Variants in NAA16 observed in about 807,000 individuals in gnomAD.
NAA16 encodes the protein N-alpha-acetyltransferase 16, NatA auxiliary subunit.
Under a neutral mutation model 110.3 loss-of-function variants are expected in NAA16, and 97 were observed. The observed-to-expected ratio is 0.88, with a 90% CI of 0.75 to 1.04. The LOEUF (loss-of-function observed/expected upper bound fraction) is 1.04, where lower values mean the gene tolerates loss of function less well. NAA16 is among the 50% of genes least tolerant of loss of function. The pLI is 0.00. For synonymous variants in NAA16, 372 were observed against 330.6 expected (o/e 1.13, Z -1.36); for missense variants, 1,017 against 1,005.1 (o/e 1.01, Z -0.16).
chr13:41,357,785 T>C (rs1221206765), intron 10 of NAA16, among the ~76,000 whole-genome samples: 2 of 152,146 alleles, frequency 1.3e-5, no homozygotes, highest in East Asian at 3.9e-4. Flanking sequence ...TCTACTTAGG[T>C]TTTTGTCAGA....
chr13:41,325,966 A>G (rs2042083786), intron 6 of NAA16, 115 bp downstream of exon 6: 1 of 754,320 alleles, frequency 1.3e-6, no homozygotes, highest in Admixed American at 3.6e-5. Context: ...GGTTCCAAAC[A>G]CGATTATTAA....
At chr13:41,372,581 G>A in intron 16 of NAA16, 151 bp from the exon 17 acceptor site, 1 of 1,324,490 alleles carries the variant, frequency 7.6e-7, no homozygotes. Flanking sequence ...AGCCATAGTT[G>A]ACTTTGATAG....
rs768129386 is a variant in NAA16, at chr13:41,358,342, G to T, written c.1126G>T (p.Val376Phe). 3.1e-6 allele frequency: 5 copies of T among 1,613,766 alleles called. No homozygotes were observed. In the East Asian group the frequency reaches 1.1e-4, roughly 36 times the overall value. Residue 376 changes from valine to phenylalanine, a missense_variant, in exon 11 of 20, where the codon GTT becomes TTT. By Grantham distance (50) the Val-to-Phe change is conservative (BLOSUM62 -1). Transcript: ENST00000379406. ...EKEPPTTLLW[V>F]QYFLAQHFDK... Reference sequence around the variant, plus strand: ...GGAACCCCCGACAACACTACTCTGGGTTCAGTATTTCCTGGCACAGCACTT... The same window carrying T: ...GGAACCCCCGACAACACTACTCTGGTTTCAGTATTTCCTGGCACAGCACTT...
chr13:41,359,493 T>C (rs2043067451), intron 12 of NAA16, among the ~76,000 whole-genome samples: 1 of 152,186 alleles, frequency 6.6e-6, no homozygotes, highest in African/African-American at 2.4e-5. Flanking sequence ...ATGTTTATGG[T>C]TAAAAATATA....
Position 41,375,914 on chromosome 13 carries a change from G to T in NAA16, c.*312G>T. On this transcript the variant is annotated 3_prime_UTR_variant, in exon 20 of 20. Transcript: ENST00000379406. ...TTTAGATTCTGATTTCAGGATCTGT[G>T]CTTTGATTCCTTGTCTGTTTTATCG... 1 of 203,848 alleles carries T rather than the reference G, an allele frequency of 4.9e-6. No individual in the cohort carries two copies. Among genetic ancestry groups the T allele is most frequent in the Non-Finnish European group, 9.7e-6 (1 of 102,698 alleles). 12.6% of individuals were successfully genotyped at this position (203,848 alleles called of 1,614,324 possible). A position where few individuals can be genotyped will look rare whatever the true frequency, so the allele number is the denominator to read the frequency against.
chr13:41,338,084 C>T (rs538074251), intron 9 of NAA16, among the ~76,000 whole-genome samples: 12 of 152,242 alleles, frequency 7.9e-5, no homozygotes, highest in South Asian at 6.2e-4. Context: ...AACATGTACC[C>T]GGTGCCTGCC....
At chr13:41,372,887 TTGTTAAATCTC>T (rs1020299320) in intron 17 of NAA16, 57 bp downstream of exon 17, 12 of 1,411,926 alleles carry the variant, frequency 8.5e-6, no homozygotes, top group Non-Finnish European at 1.1e-5. Flanking sequence ...GGGGAGGAGG[TTGTTAAATCTC>T]TGTTGATCTG....
chr13:41,369,211 G>T lies in NAA16; in HGVS notation c.1875G>T (p.Lys625Asn), dbSNP rs1206688258. ...GAGAACGTCAACAGAAAAATCAAAA[G>T]AAAAAAAGAGATGAAGAAGAAGAAG... is the stretch of plus-strand genomic sequence containing the variant. ...AERERQQKNQ[K>N]KKRDEEEEEA... Residue 625 changes from lysine (K) to asparagine (N), a missense_variant, in exon 15 of 20, where the codon AAG becomes AAT. Physicochemically the swap from Lys to Asn is moderately conservative, Grantham distance 94. Transcript: ENST00000379406. 1 of 1,594,326 alleles carries T rather than the reference G, an allele frequency of 6.3e-7. No homozygotes were observed. Among genetic ancestry groups the T allele is most frequent in the East Asian group, 2.2e-5 (1 of 44,594 alleles).
chr13:41,344,452 C>T (rs2042631629), intron 9 of NAA16, among the ~76,000 whole-genome samples: 1 of 152,136 alleles, frequency 6.6e-6, no homozygotes, highest in Non-Finnish European at 1.5e-5. Flanking sequence ...TGGATTTTTT[C>T]CCCTTGGGAC....
At chr13:41,347,238 AACAAAAAAAG>A (rs1158226968) in intron 9 of NAA16, among the ~76,000 whole-genome samples, 3 of 149,532 alleles carry the variant, frequency 2.0e-5, no homozygotes, top group Non-Finnish European at 3.0e-5. Flanking sequence ...CAAAAACAAA[AACAAAAAAAG>A]AAATCAGGAA....
chr13:41,369,054 A>G, intron 14 of NAA16, 36 bp from the exon 15 acceptor site: 1 of 1,531,202 alleles, frequency 6.5e-7, no homozygotes, highest in Non-Finnish European at 8.7e-7. Flanking sequence ...AAATGCAAAC[A>G]TTGGCTCAGA....
At chr13:41,339,252 G>T (rs1189506323) in intron 9 of NAA16, among the ~76,000 whole-genome samples, 1 of 152,014 alleles carries the variant, frequency 6.6e-6, no homozygotes, top group Non-Finnish European at 1.5e-5. Flanking sequence ...CAAATCTCCT[G>T]CCTCAGCCTC....
chr13:41,352,313 G>C (rs1675122921), intron 9 of NAA16, among the ~76,000 whole-genome samples: 1 of 152,024 alleles, frequency 6.6e-6, no homozygotes, highest in South Asian at 2.1e-4. Context: ...CTGCACTCCA[G>C]CTTGGGTGAG....
chr13:41,333,827 C>T (rs1227261353), intron 8 of NAA16, among the ~76,000 whole-genome samples: 1 of 151,530 alleles, frequency 6.6e-6, no homozygotes, highest in African/African-American at 2.4e-5. Context: ...TATATTTTTA[C>T]TGGAAGAGCT....
At chr13:41,324,989 A>AGC (rs2139394108) in intron 5 of NAA16, among the ~76,000 whole-genome samples, 1 of 103,832 alleles carries the variant, frequency 9.6e-6, no homozygotes, top group East Asian at 3.0e-4. Flanking sequence ...ACTGAGTTTC[A>AGC]CTCTTGTTGC....
chr13:41,324,891 TA>T (rs2042048812), intron 5 of NAA16, among the ~76,000 whole-genome samples: 1 of 151,370 alleles, frequency 6.6e-6, no homozygotes, highest in African/African-American at 2.4e-5. Flanking sequence ...TTTTTTTTTT[TA>T]AGACATAATG....
intron 12 of NAA16, among the ~76,000 whole-genome samples, chr13:41,360,232 A>G (rs1376956949): frequency 1.3e-5 from 2 of 152,204 alleles, no homozygotes; most frequent in Non-Finnish European, 1.5e-5. Context: ...AAATGCTCCA[A>G]AACTTGAAAC....
At chr13:41,367,412 GTTAAT>G (rs1566299181) in intron 13 of NAA16, 22 bp from the exon 14 acceptor site, 1 of 1,499,278 alleles carries the variant, frequency 6.7e-7, no homozygotes, top group African/African-American at 1.4e-5. Flanking sequence ...AAATGTAAAG[GTTAAT>G]TTTGTGATTT....
Position 41,375,411 on chromosome 13 carries a change from A to G in NAA16, c.2404A>G (p.Ile802Val), listed in dbSNP as rs746114227. ...TTTCCTTTTGTTTCACTAGACATTA[A>G]TAAAGGTTTCTGAAGCACTGCTTGA... is the stretch of plus-strand genomic sequence containing the variant. Reference protein sequence around the residue: ...TIKDKDVKTLIKVSEALLDGS... With the variant: ...TIKDKDVKTLVKVSEALLDGS... The change falls in exon 20 of 20, where the codon ATA becomes GTA. Residue 802 changes from isoleucine to valine, a missense_variant. Transcript: ENST00000379406. The G allele has an allele frequency of 5.0e-6, 8 of 1,610,388 alleles. No individual in the cohort carries two copies. In the Admixed American group the frequency reaches 5.0e-5, roughly 10 times the overall value.
Sources: gnomAD v4.1 joint callset for allele counts (sites outside exome capture counted in the v4.1 genomes callset) on GRCh38, gnomAD v4.1.1 for gene constraint, MANE v1.5 for transcripts, NCBI Gene and HGNC (gene_info 2026-07-23, HGNC 2026-07-21) for gene names.